Variants in PRCC observed in about 807,000 individuals in gnomAD.
PRCC encodes the protein proline rich mitotic checkpoint control factor.
In PRCC, 10 loss-of-function variants were observed where a neutral mutation model predicts 44.0. That is an observed-to-expected ratio of 0.23 (90% CI 0.14 to 0.39). PRCC has a LOEUF of 0.39. Ranked by LOEUF, PRCC falls within the 10% of genes least tolerant of loss-of-function variation. PRCC has a pLI of 1.00. For synonymous variants in PRCC, 278 were observed against 259.5 expected, an observed-to-expected ratio of 1.07 and a Z score of -0.69; for missense variants, 573 against 624.7, an observed-to-expected ratio of 0.92 and a Z score of 0.88.
rs1652603233 is a variant in PRCC, at chr1:156,794,812, A to G, written c.1323+4A>G. On this transcript the variant is annotated splice_donor_region_variant and intron_variant, in intron 5 of 6. Coordinates refer to ENST00000271526, the MANE Select transcript of PRCC (RefSeq NM_005973.5). The stretch of plus-strand genomic sequence containing the variant: ...AACCATGAAGTCATTCAGCAAAGTA[A>G]GTGGGAAACGTCTATTGAGTGGTCA... The G allele has an allele frequency of 6.2e-7, 1 of 1,614,158 alleles. No individual in the cohort carries two copies. Among genetic ancestry groups the G allele is most frequent in the South Asian group, 1.1e-5 (1 of 91,072 alleles).
intron 4 of PRCC, among the ~76,000 whole-genome samples, chr1:156,793,489 TG>T (rs146499051): frequency 0.1 from 15,263 of 151,074 alleles, 983 homozygotes; most frequent in African/African-American, 0.18. Flanking sequence ...GAAAGTTTAC[TG>T]GGCTTTTTTT....
chr1:156,800,311 C>A, intron 6 of PRCC, 63 bp from the exon 7 acceptor site: 3 of 1,495,954 alleles, frequency 2.0e-6, no homozygotes, highest in East Asian at 2.3e-5. Flanking sequence ...CTCACAGAGG[C>A]AAGAGGACAG....
chr1:156,767,568 G>A lies in PRCC; in HGVS notation c.-204G>A, dbSNP rs1294935096. ...GCTGTGTGTAGTTGCCCGGGACTAG[G>A]AGCTTAAGTGAAGAGGTACGCCTTG... On this transcript the variant is annotated 5_prime_UTR_variant, in exon 1 of 7. Transcript: ENST00000271526. 7 of 596,728 alleles carry A rather than the reference G, an allele frequency of 1.2e-5. No individual in the cohort carries two copies. Among genetic ancestry groups the A allele is most frequent in the Non-Finnish European group, 1.8e-5 (6 of 340,846 alleles). 37.0% of individuals were successfully genotyped at this position (596,728 alleles called of 1,614,324 possible). A position where few individuals can be genotyped will look rare whatever the true frequency, so the allele number is the denominator to read the frequency against.
In PRCC at chr1:156,792,309, G is replaced by A. The variant is rs532116909; in HGVS notation, c.1179+517G>A. On this transcript the variant is annotated intron_variant, in intron 4 of 6. Coordinates refer to ENST00000271526, the MANE Select transcript of PRCC (RefSeq NM_005973.5). ...TCACATTGGCATTGGAGATGCAGCA[G>A]GGTAGAGAAAGAAAGAGGAGGAACA... Among the ~76,000 whole-genome samples, 8 of 152,168 alleles carry A rather than the reference G, an allele frequency of 5.3e-5. No individual in the cohort carries two copies. In the East Asian group the frequency reaches 1.5e-3, roughly 29 times the overall value.
At chr1:156,787,650 CTTT>C (rs56916626) in intron 3 of PRCC, among the ~76,000 whole-genome samples, 5 of 54,172 alleles carry the variant, frequency 9.2e-5, no homozygotes, top group African/African-American at 1.8e-4. Flanking sequence ...GGTTTTTGGC[CTTT>C]TTTTTTTTTT....
At chr1:156,792,642 C>T (rs556593140) in intron 4 of PRCC, among the ~76,000 whole-genome samples, 3 of 152,072 alleles carry the variant, frequency 2.0e-5, no homozygotes, top group Admixed American at 6.6e-5. Context: ...TTAGTAGAGA[C>T]GGGGTTTCAC....
chr1:156,783,751 AC>A (rs1325038779), intron 2 of PRCC, among the ~76,000 whole-genome samples: 4 of 152,106 alleles, frequency 2.6e-5, no homozygotes, highest in African/African-American at 9.7e-5. Flanking sequence ...GTCAAAAAAA[AC>A]ATAAAAAAAT....
In PRCC at chr1:156,794,676, G is replaced by A. The variant is rs1207178168; in HGVS notation, c.1191G>A (p.Leu397=). The stretch of plus-strand genomic sequence containing the variant: ...TTTTTCTTTTCCAGTTTAAGCGGCT[G>A]CAGGGCAAGAGGAACCGAGGGAGAG... ...SFIDDEAFKR[L]QGKRNRGREE... is the part of the protein sequence containing the mutation. Residue 397 remains leucine (L), a synonymous_variant, in exon 5 of 7, where the codon CTG becomes CTA. Transcript: ENST00000271526. The A allele has an allele frequency of 6.2e-7, 1 of 1,614,102 alleles. No individual in the cohort carries two copies. The highest frequency in any genetic ancestry group is 8.5e-7 in the Non-Finnish European group (1 of 1,180,006).
rs559444177 is a variant in PRCC, at chr1:156,767,871, G to C, written c.100G>C (p.Ala34Pro). 11 of 1,605,808 alleles carry C rather than the reference G, an allele frequency of 6.9e-6. No homozygotes were observed. The highest frequency in any genetic ancestry group is 9.3e-6 in the Non-Finnish European group (11 of 1,177,178). ...GGCGGTGGCTCCTACATCTGGGCCCGCTTTAGGGGGCTTGTTCGCTTCTCT... is the reference window on the plus strand; with the variant it reads ...GGCGGTGGCTCCTACATCTGGGCCCCCTTTAGGGGGCTTGTTCGCTTCTCT... ...EEAVAPTSGP[A>P]LGGLFASLPA... The change falls in exon 1 of 7, where the codon GCT (alanine) becomes CCT (proline). Residue 34 changes from alanine to proline, a missense_variant. By Grantham distance (27) the Ala-to-Pro change is conservative (BLOSUM62 -1). Transcript: ENST00000271526.
Position 156,767,846 on chromosome 1 carries a change from G to T in PRCC, c.75G>T (p.Glu25Asp), listed in dbSNP as rs766377337. Residue 25 changes from glutamate to aspartate, a missense_variant, in exon 1 of 7, where the codon GAG (glutamate) becomes GAT (aspartate). This residue lies in a region of PRCC where 245 missense variants were observed against 188.5 expected (regional missense o/e 1.30). Coordinates refer to ENST00000271526, the MANE Select transcript of PRCC (RefSeq NM_005973.5). ...CTGAGCCCGAGCCGGAGGAAGAGGA[G>T]GCGGTGGCTCCTACATCTGGGCCCG... The part of the protein sequence containing the change: ...DEAEPEPEEE[E>D]AVAPTSGPAL... 6.2e-7 allele frequency: 1 copy of T among 1,610,200 alleles called. No homozygotes were observed. Among genetic ancestry groups the T allele is most frequent in the Non-Finnish European group, 8.5e-7 (1 of 1,179,014 alleles).
intron 2 of PRCC, among the ~76,000 whole-genome samples, chr1:156,784,065 G>T (rs906847813): frequency 6.6e-6 from 1 of 151,862 alleles, no homozygotes; most frequent in Non-Finnish European, 1.5e-5. Context: ...TCCTGCCTCA[G>T]CCTCCAGAGT....
chr1:156,782,230 T>C (rs1412834056), intron 1 of PRCC, 52 bp from the exon 2 acceptor site: 3 of 1,498,012 alleles, frequency 2.0e-6, no homozygotes. Flanking sequence ...TTAATGTGTT[T>C]CCTTTACTGT....
At chr1:156,774,539 T>C (rs552038965) in intron 1 of PRCC, among the ~76,000 whole-genome samples, 2 of 152,134 alleles carry the variant, frequency 1.3e-5, no homozygotes, top group South Asian at 4.2e-4. Context: ...CAGGCTGGAA[T>C]GTTGTGTCTC....
intron 1 of PRCC, among the ~76,000 whole-genome samples, chr1:156,775,653 G>A (rs528639654): frequency 6.6e-6 from 1 of 151,924 alleles, no homozygotes; most frequent in South Asian, 2.1e-4. Flanking sequence ...TGGGACTACC[G>A]GCACCCGCCA....
chr1:156,777,732 C>T (rs184428480), intron 1 of PRCC, among the ~76,000 whole-genome samples: 225 of 152,110 alleles, frequency 1.5e-3, no homozygotes, highest in African/African-American at 5.1e-3. Flanking sequence ...GTAGGGACAC[C>T]TAGTGAAAAG....
Position 156,767,783 on chromosome 1 carries a change from T to G in PRCC, c.12T>G (p.Val4=). The change falls in exon 1 of 7, where the codon GTT becomes GTG. Residue 4 remains valine, a synonymous_variant. Coordinates refer to ENST00000271526, the MANE Select transcript of PRCC (RefSeq NM_005973.5). ...ACGCGGGAGGCGCCATGTCGCTGGTTGCTTACGCCAGCAGCGATGAGAGCG... is the reference window on the plus strand; with the variant it reads ...ACGCGGGAGGCGCCATGTCGCTGGTGGCTTACGCCAGCAGCGATGAGAGCG... The part of the protein sequence containing the change: MSL[V]AYASSDESEP... The G allele has an allele frequency of 6.2e-7, 1 of 1,604,422 alleles. No individual in the cohort carries two copies. Among genetic ancestry groups the G allele is most frequent in the Non-Finnish European group, 8.5e-7 (1 of 1,176,982 alleles).
intron 1 of PRCC, among the ~76,000 whole-genome samples, chr1:156,776,999 AAAT>A (rs1651850376): frequency 6.6e-6 from 1 of 152,210 alleles, no homozygotes; most frequent in African/African-American, 2.4e-5. Context: ...AAACCAGAGA[AAAT>A]AATAATTTTT....
chr1:156,790,524 G>C (rs968072194), intron 3 of PRCC, among the ~76,000 whole-genome samples: 8 of 152,242 alleles, frequency 5.3e-5, no homozygotes, highest in African/African-American at 1.9e-4. Flanking sequence ...GTGGAAGGCT[G>C]AGACAGGAGA....
At chr1:156,795,309 T>C (rs1327218591) in intron 5 of PRCC, among the ~76,000 whole-genome samples, 3 of 122,168 alleles carry the variant, frequency 2.5e-5, no homozygotes, top group Non-Finnish European at 3.5e-5. Context: ...TTTTTTTTTT[T>C]CAGAGTCTCA....
Sources: allele counts gnomAD v4.1 joint callset (sites outside exome capture counted in the v4.1 genomes callset), GRCh38; gene constraint gnomAD v4.1.1; regional missense constraint gnomAD v4.1.1; transcripts MANE v1.5; gene names NCBI Gene and HGNC (gene_info 2026-07-23, HGNC 2026-07-21).